CADPS: variants seen among roughly 807,000 people sequenced by gnomAD.
CADPS encodes the protein calcium-dependent secretion activator 1.
CADPS carries 57 observed loss-of-function variants against 167.3 expected under a neutral mutation model. That is an observed-to-expected ratio of 0.34 (90% CI 0.28 to 0.42). The LOEUF (loss-of-function observed/expected upper bound fraction) is 0.42, where lower values mean the gene tolerates loss of function less well. CADPS is among the 20% of genes least tolerant of loss of function. The pLI is 1.00. For synonymous variants in CADPS, 676 were observed against 635.3 expected, an observed-to-expected ratio of 1.06 and a Z score of -0.96; for missense variants, 1,414 against 1,738.1, an observed-to-expected ratio of 0.81 and a Z score of 3.32.
Position 62,493,643 on chromosome 3 carries a change from A to G in CADPS, c.2727+2T>C. 5 of 1,555,136 alleles carry G rather than the reference A, an allele frequency of 3.2e-6. No individual in the cohort carries two copies. Among genetic ancestry groups the G allele is most frequent in the Non-Finnish European group, 3.5e-6 (4 of 1,148,004 alleles). On this transcript the variant is annotated splice_donor_variant, in intron 19 of 29. Coordinates refer to ENST00000383710, the MANE Select transcript of CADPS (RefSeq NM_003716.4). LOFTEE classifies it high-confidence loss of function. ...TCTTTCACGAGATTTCACTTTACTTACTTCTCCTTTATCAACATGTGGCTG... is the reference window on the plus strand; with the variant it reads ...TCTTTCACGAGATTTCACTTTACTTGCTTCTCCTTTATCAACATGTGGCTG...
At chr3:62,810,960 G>A (rs1341687795) in intron 1 of CADPS, among the ~76,000 whole-genome samples, 1 of 152,218 alleles carries the variant, frequency 6.6e-6, no homozygotes. Flanking sequence ...AAAATCCAAA[G>A]GAACTGGTAC....
intron 15 of CADPS, 134 bp downstream of exon 15, chr3:62,516,446 C>G: frequency 2.5e-6 from 2 of 790,208 alleles, no homozygotes; most frequent in South Asian, 2.0e-5. Context: ...TTCCTCGCTT[C>G]TATTCTGATA....
At chr3:62,428,251 T>C (rs2053164143) in intron 28 of CADPS, among the ~76,000 whole-genome samples, 1 of 151,314 alleles carries the variant, frequency 6.6e-6, no homozygotes, top group Non-Finnish European at 1.5e-5. Flanking sequence ...TTTTCAGGTT[T>C]TTGGACACAC....
At position 62,535,723 on chromosome 3, in the gene CADPS, C is replaced by T. The variant is rs1177473915; in HGVS notation, c.2103+722G>A. Among the ~76,000 whole-genome samples the T allele has an allele frequency of 2.6e-5, 4 of 151,772 alleles. No individual in the cohort carries two copies. The East Asian group carries it at 7.8e-4, about 29-fold the overall frequency. On this transcript the variant is annotated intron_variant, in intron 12 of 29. Coordinates refer to ENST00000383710, the MANE Select transcript of CADPS (RefSeq NM_003716.4). Reference sequence around the variant, plus strand: ...GAAGTAAATTGGGTCTTTTTTTAGGCGTTTGAATTTGATAGTTTAAAGCCA... The same window carrying T: ...GAAGTAAATTGGGTCTTTTTTTAGGTGTTTGAATTTGATAGTTTAAAGCCA...
At chr3:62,786,705 G>C (rs139660616) in intron 1 of CADPS, among the ~76,000 whole-genome samples, 1 of 151,976 alleles carries the variant, frequency 6.6e-6, no homozygotes, top group African/African-American at 2.4e-5. Flanking sequence ...CTAAAGTATT[G>C]TAAATCATCT....
At chr3:62,717,157 G>C (rs139895105) in intron 3 of CADPS, among the ~76,000 whole-genome samples, 1 of 152,092 alleles carries the variant, frequency 6.6e-6, no homozygotes, top group Non-Finnish European at 1.5e-5. Flanking sequence ...TTGAAGACTA[G>C]ACAGATAAAA....
At chr3:62,857,025 T>C (rs1417683020) in intron 1 of CADPS, among the ~76,000 whole-genome samples, 1 of 152,038 alleles carries the variant, frequency 6.6e-6, no homozygotes. Flanking sequence ...TAGACATAAA[T>C]ATGTCGAACA....
rs557564593 is a variant in CADPS, at chr3:62,770,316, G to A, written c.442-4332C>T. ...CTGCAACCTGAGCATTTCCTGCACA[G>A]TCATTATCACAGTTAGCCCTTATCT... On this transcript the variant is annotated intron_variant, in intron 1 of 29. Transcript: ENST00000383710. Among the ~76,000 whole-genome samples, 540 of 152,282 alleles carry A rather than the reference G, an allele frequency of 3.5e-3. 1 individual carries two copies. The highest frequency in any genetic ancestry group is 5.5e-3 in the Non-Finnish European group (376 of 68,030).
At chr3:62,669,012 A>C (rs2075020772) in intron 3 of CADPS, among the ~76,000 whole-genome samples, 1 of 152,208 alleles carries the variant, frequency 6.6e-6, no homozygotes, top group South Asian at 2.1e-4. Flanking sequence ...AAATCGGTAA[A>C]GACTGAACTT....
chr3:62,511,183 A>C (rs1443810573), intron 17 of CADPS, among the ~76,000 whole-genome samples: 1 of 152,162 alleles, frequency 6.6e-6, no homozygotes, highest in African/African-American at 2.4e-5. Context: ...CAAGTTAAGA[A>C]ATTTTGAACC....
At chr3:62,842,853 T>C (rs1042363950) in intron 1 of CADPS, among the ~76,000 whole-genome samples, 3 of 152,208 alleles carry the variant, frequency 2.0e-5, no homozygotes, top group African/African-American at 4.8e-5. Context: ...ATTTTCATGA[T>C]ATATATGATT....
At chr3:62,428,592 T>A (rs2053263578) in intron 28 of CADPS, among the ~76,000 whole-genome samples, 1 of 152,160 alleles carries the variant, frequency 6.6e-6, no homozygotes. Flanking sequence ...GATGGACACA[T>A]GGACTTCTTG....
chr3:62,583,230 CA>C lies in CADPS; in HGVS notation c.1577+1954del, dbSNP rs546663604. ...CTCACTCATGTGCTGGTTCCTTTAG[CA>C]AATATTTATGGAGTATTTATGAGGC... On this transcript the variant is annotated intron_variant, in intron 8 of 29. Coordinates refer to ENST00000383710, the MANE Select transcript of CADPS (RefSeq NM_003716.4). 6.8e-4 allele frequency among the ~76,000 whole-genome samples: 103 copies of C among 150,792 alleles called. 2 individuals carry two copies. The South Asian group carries it at 0.02, about 29-fold the overall frequency.
chr3:62,497,270 G>A (rs552716936), intron 18 of CADPS, among the ~76,000 whole-genome samples: 2 of 152,252 alleles, frequency 1.3e-5, no homozygotes, highest in Non-Finnish European at 2.9e-5. Context: ...AAGTATATCT[G>A]TCATTTTTCT....
At chr3:62,792,731 C>G (rs1246539448) in intron 1 of CADPS, among the ~76,000 whole-genome samples, 2 of 152,116 alleles carry the variant, frequency 1.3e-5, no homozygotes, top group South Asian at 2.1e-4. Context: ...AAGTAGCTAG[C>G]ACTACAAATG....
At chr3:62,764,655 G>A (rs1468364700) in intron 2 of CADPS, among the ~76,000 whole-genome samples, 1 of 152,182 alleles carries the variant, frequency 6.6e-6, no homozygotes, top group African/African-American at 2.4e-5. Flanking sequence ...GAAGAGTTTT[G>A]CCATATCAGG....
intron 13 of CADPS, among the ~76,000 whole-genome samples, chr3:62,527,118 C>T (rs76890175): frequency 6.6e-6 from 1 of 152,132 alleles, no homozygotes; most frequent in Non-Finnish European, 1.5e-5. Context: ...GATTTATGTG[C>T]ACAATGAAGT....
At chr3:62,694,006 T>C (rs1216457949) in intron 3 of CADPS, among the ~76,000 whole-genome samples, 1 of 152,026 alleles carries the variant, frequency 6.6e-6, no homozygotes, top group Admixed American at 6.6e-5. Context: ...ACATGTTCTG[T>C]TGATGTCAAT....
chr3:62,855,310 T>C (rs979177874), intron 1 of CADPS, among the ~76,000 whole-genome samples: 3 of 151,930 alleles, frequency 2.0e-5, no homozygotes, highest in African/African-American at 7.3e-5. Context: ...GGAAGTTGGA[T>C]TCCTCTCTCT....
Sources: allele counts gnomAD v4.1 joint callset (sites outside exome capture counted in the v4.1 genomes callset), GRCh38; gene constraint gnomAD v4.1.1; transcripts MANE v1.5; gene names NCBI Gene and HGNC (gene_info 2026-07-23, HGNC 2026-07-21).